HEXB: variants seen among roughly 807,000 people sequenced by gnomAD.
The protein encoded by HEXB is beta-hexosaminidase subunit beta.
Under a neutral mutation model 71.2 loss-of-function variants are expected in HEXB, and 51 were observed. That is an observed-to-expected ratio of 0.72 (90% confidence interval 0.57 to 0.90). HEXB has a LOEUF of 0.90. HEXB is among the 40% of genes least tolerant of loss of function. The pLI is 0.00. For synonymous variants in HEXB, 266 were observed against 249.3 expected, an observed-to-expected ratio of 1.07 and a Z score of -0.63; for missense variants, 617 against 677.0, an observed-to-expected ratio of 0.91 and a Z score of 0.98.
chr5:74,685,237 C>G lies in HEXB; in HGVS notation c.-24C>G. 3.4e-6 allele frequency: 5 copies of G among 1,488,852 alleles called. No homozygotes were observed. The highest frequency in any genetic ancestry group is 4.4e-6 in the Non-Finnish European group (5 of 1,126,974). The allele number at this position is 1,488,852 out of a possible 1,614,324, so 92.2% of individuals were successfully genotyped here. On this transcript the variant is annotated 5_prime_UTR_variant, in exon 1 of 14. Coordinates refer to ENST00000261416, the MANE Select transcript of HEXB (RefSeq NM_000521.4). Reference sequence around the variant, plus strand: ...GTCCCGAGGCTCCGGCTCGGCAGACCGGGCGGAAAGCAGCCGAGCGGCCAT... The same window carrying G: ...GTCCCGAGGCTCCGGCTCGGCAGACGGGGCGGAAAGCAGCCGAGCGGCCAT...
chr5:74,679,825 A>AAAAAAAAAAAT (rs1748705828), intron 1 of HEXB, among the ~76,000 whole-genome samples: 2 of 119,194 alleles, frequency 1.7e-5, no homozygotes, highest in Non-Finnish European at 4.0e-5. Context: ...AAAAAAAAAA[A>AAAAAAAAAAAT]GTATGGCTTT....
intron 2 of HEXB, among the ~76,000 whole-genome samples, chr5:74,691,519 A>G (rs911825318): frequency 6.6e-6 from 1 of 152,252 alleles, no homozygotes; most frequent in Non-Finnish European, 1.5e-5. Context: ...GAGAACACAC[A>G]TGGAGAACTG....
At chr5:74,694,364 C>T (rs1749064929) in intron 3 of HEXB, among the ~76,000 whole-genome samples, 1 of 152,152 alleles carries the variant, frequency 6.6e-6, no homozygotes, top group Non-Finnish European at 1.5e-5. Context: ...CAGAAGCAAG[C>T]ATCTCTCTTC....
At chr5:74,667,077 T>A (rs971461586) in intron 1 of HEXB, among the ~76,000 whole-genome samples, 2 of 152,152 alleles carry the variant, frequency 1.3e-5, no homozygotes, top group Admixed American at 1.3e-4. Context: ...AAAGGGAATC[T>A]GACACCACAT....
At chr5:74,687,852 T>TAATGG (rs1344111351) in intron 1 of HEXB, among the ~76,000 whole-genome samples, 1 of 152,182 alleles carries the variant, frequency 6.6e-6, no homozygotes. Flanking sequence ...TTAACTTCCA[T>TAATGG]ACACTTCCAA....
intron 5 of HEXB, among the ~76,000 whole-genome samples, chr5:74,699,361 G>A (rs962933059): frequency 2.2e-4 from 33 of 149,298 alleles, no homozygotes; most frequent in African/African-American, 4.9e-4. Context: ...TGCTACCTCC[G>A]CCTCCTGAGT....
chr5:74,708,256 C>T (rs968823373), intron 6 of HEXB, among the ~76,000 whole-genome samples: 3 of 151,670 alleles, frequency 2.0e-5, no homozygotes, highest in African/African-American at 7.3e-5. Context: ...ATTTTGTCAC[C>T]ACCAGGCCTG....
intron 1 of HEXB, among the ~76,000 whole-genome samples, chr5:74,687,095 C>T (rs972785820): frequency 6.6e-6 from 1 of 152,182 alleles, no homozygotes; most frequent in African/African-American, 2.4e-5. Context: ...GAAGAGTTTG[C>T]CTAACTCATG....
intron 6 of HEXB, among the ~76,000 whole-genome samples, chr5:74,709,714 A>G (rs1414082203): frequency 6.6e-6 from 1 of 152,236 alleles, no homozygotes; most frequent in South Asian, 2.1e-4. Context: ...TCCTCCACAC[A>G]TATACTCTCC....
chr5:74,692,930 A>C (rs1561216713), intron 2 of HEXB, among the ~76,000 whole-genome samples: 1 of 152,238 alleles, frequency 6.6e-6, no homozygotes, highest in Non-Finnish European at 1.5e-5. Context: ...TCAAAGATTG[A>C]AAGATTAGCC....
At chr5:74,662,833 C>A (rs1011022548) in intron 1 of HEXB, among the ~76,000 whole-genome samples, 10 of 152,116 alleles carry the variant, frequency 6.6e-5, no homozygotes, top group Admixed American at 4.6e-4. Flanking sequence ...GGTCCTAGAG[C>A]AGAAACAAAC....
At chr5:74,703,449 G>A (rs1398644009) in intron 5 of HEXB, among the ~76,000 whole-genome samples, 1 of 152,090 alleles carries the variant, frequency 6.6e-6, no homozygotes, top group Non-Finnish European at 1.5e-5. Flanking sequence ...CCTTTTAGTG[G>A]TGAACAACAT....
At chr5:74,651,231 C>T (rs1426751179) in intron 1 of HEXB, among the ~76,000 whole-genome samples, 1 of 152,198 alleles carries the variant, frequency 6.6e-6, no homozygotes, top group Admixed American at 6.5e-5. Flanking sequence ...CACATATTTG[C>T]TAAATGGTGG....
Position 74,696,984 on chromosome 5 carries a change from AT to A in HEXB, c.559-8del. ...AATTCTAAAACTAAATCAAAATTTT[AT>A]TTTGTCATAGTTCACCATCAATGAA... On this transcript the variant is annotated splice_polypyrimidine_tract_variant and intron_variant, in intron 4 of 13. Transcript: ENST00000261416. 7.1e-7 allele frequency: 1 copy of A among 1,401,718 alleles called. No individual in the cohort carries two copies. Among genetic ancestry groups the A allele is most frequent in the Non-Finnish European group, 1.0e-6 (1 of 988,858 alleles). 86.8% of individuals were successfully genotyped at this position (1,401,718 alleles called of 1,614,324 possible).
chr5:74,703,257 T>C (rs962695622), intron 5 of HEXB, among the ~76,000 whole-genome samples: 2 of 152,200 alleles, frequency 1.3e-5, no homozygotes, highest in Admixed American at 6.5e-5. Flanking sequence ...CCAGCCACTT[T>C]CCTTGTTTAA....
chr5:74,682,186 A>G (rs1397994362), upstream of HEXB, among the ~76,000 whole-genome samples: 4 of 152,140 alleles, frequency 2.6e-5, no homozygotes, highest in African/African-American at 7.2e-5. Context: ...GTGAAACCCC[A>G]TCTCTACTAA....
chr5:74,685,130 G>A, upstream of HEXB: 3 of 959,998 alleles, frequency 3.1e-6, no homozygotes, highest in Non-Finnish European at 4.2e-6. Context: ...AGGCGGAGTC[G>A]GGGGCGGGCG....
At chr5:74,674,421 G>A (rs1259382072) in intron 1 of HEXB, among the ~76,000 whole-genome samples, 1 of 152,020 alleles carries the variant, frequency 6.6e-6, no homozygotes, top group Non-Finnish European at 1.5e-5. Context: ...GGCTAACATG[G>A]TGAAACCCCG....
rs546501871 is a variant in HEXB, at chr5:74,712,750, G to T, written c.772-756G>T. On this transcript the variant is annotated intron_variant, in intron 6 of 13. Transcript: ENST00000261416. ...TACTATAAACTGGTAGTTGAATCTA[G>T]TCTTGATAGAAATTTGATTTGCAGT... 3.2e-4 allele frequency among the ~76,000 whole-genome samples: 49 copies of T among 152,260 alleles called. No individual in the cohort carries two copies. The South Asian group carries it at 4.6e-3, about 14-fold the overall frequency.
Sources: allele counts gnomAD v4.1 joint callset (sites outside exome capture counted in the v4.1 genomes callset), GRCh38; gene constraint gnomAD v4.1.1; transcripts MANE v1.5; gene names NCBI Gene and HGNC (gene_info 2026-07-23, HGNC 2026-07-21).